Variants in SLC27A6 observed in about 807,000 individuals in gnomAD.
SLC27A6 encodes long-chain fatty acid transport protein 6.
In SLC27A6, 74 loss-of-function variants were observed where a neutral mutation model predicts 63.9. That is an observed-to-expected ratio of 1.16 (90% CI 0.96 to 1.40). The LOEUF is 1.40. SLC27A6 is among the 40% of genes most tolerant of loss of function. The pLI is 0.00. For missense variants in SLC27A6, 794 were observed against 732.9 expected (o/e 1.08, Z -0.96); for synonymous variants, 287 against 260.8 (o/e 1.10, Z -0.97).
At chr5:129,009,618 T>C (rs1286881256) in intron 4 of SLC27A6, among the ~76,000 whole-genome samples, 1 of 152,198 alleles carries the variant, frequency 6.6e-6, no homozygotes, top group East Asian at 1.9e-4. Context: ...AATTTAGCTT[T>C]CTAATGTCTA....
chr5:128,979,219 C>T (rs1254655545), intron 1 of SLC27A6, among the ~76,000 whole-genome samples: 3 of 123,022 alleles, frequency 2.4e-5, no homozygotes, highest in Non-Finnish European at 3.8e-5. Context: ...GAGGGAAACC[C>T]ACGTAGTGTG....
At chr5:128,971,529 T>C (rs1750160747) in intron 1 of SLC27A6, among the ~76,000 whole-genome samples, 1 of 88,732 alleles carries the variant, frequency 1.1e-5, no homozygotes, top group Non-Finnish European at 3.1e-5. Flanking sequence ...TCTTTGTCTC[T>C]TGATCTTTGT....
At chr5:128,989,059 A>G (rs1052390462) in intron 3 of SLC27A6, among the ~76,000 whole-genome samples, 4 of 152,150 alleles carry the variant, frequency 2.6e-5, no homozygotes, top group African/African-American at 9.7e-5. Flanking sequence ...CCTCAAATGT[A>G]GTAGAAATGT....
intron 4 of SLC27A6, among the ~76,000 whole-genome samples, chr5:129,005,798 G>C (rs1315602463): frequency 6.6e-6 from 1 of 151,462 alleles, no homozygotes; most frequent in East Asian, 2.0e-4. Context: ...ATTTTTAGTG[G>C]AGACGGGGTT....
At position 128,985,235 on chromosome 5, in the gene SLC27A6, A is replaced by T; in HGVS notation, c.584A>T (p.Glu195Val). ...SVPQGVISLK[E>V]KLSTSPDEPV... Reference sequence around the variant, plus strand: ...CCACAAGGTGTAATTTCACTCAAAGAAAAACTGAGCACCTCACCTGATGAG... The same window carrying T: ...CCACAAGGTGTAATTTCACTCAAAGTAAAACTGAGCACCTCACCTGATGAG... The change falls in exon 2 of 10, where the codon GAA (glutamate) becomes GTA (valine). Residue 195 changes from glutamate (E) to valine (V), a missense_variant. Physicochemically the swap from Glu to Val is moderately radical, Grantham distance 121. Coordinates refer to ENST00000262462, the MANE Select transcript of SLC27A6 (RefSeq NM_001017372.3). 6.2e-7 allele frequency: 1 copy of T among 1,614,096 alleles called. No individual in the cohort carries two copies. Among genetic ancestry groups the T allele is most frequent in the Non-Finnish European group, 8.5e-7 (1 of 1,179,976 alleles).
intron 1 of SLC27A6, among the ~76,000 whole-genome samples, chr5:128,977,172 T>G (rs1226883480): frequency 1.3e-5 from 2 of 152,246 alleles, no homozygotes; most frequent in Non-Finnish European, 2.9e-5. Context: ...TAGTTTTTAT[T>G]ATGCCATTCA....
chr5:128,989,138 T>A (rs1748395336), intron 3 of SLC27A6, among the ~76,000 whole-genome samples: 1 of 152,222 alleles, frequency 6.6e-6, no homozygotes, highest in Non-Finnish European at 1.5e-5. Context: ...TAGGTTATTT[T>A]ACCTTCATTC....
At chr5:128,992,750 A>G (rs190124384) in intron 4 of SLC27A6, among the ~76,000 whole-genome samples, 1 of 152,294 alleles carries the variant, frequency 6.6e-6, no homozygotes, top group East Asian at 1.9e-4. Flanking sequence ...TATCTGGACT[A>G]GGTTAATTTA....
chr5:128,991,627 A>C (rs2150137217), intron 4 of SLC27A6, among the ~76,000 whole-genome samples: 1 of 152,342 alleles, frequency 6.6e-6, no homozygotes, highest in African/African-American at 2.4e-5. Flanking sequence ...TTAAAAAAAT[A>C]ACTACTGACC....
chr5:128,981,625 A>C (rs927359237), intron 1 of SLC27A6, among the ~76,000 whole-genome samples: 4 of 152,186 alleles, frequency 2.6e-5, no homozygotes, highest in African/African-American at 9.7e-5. Flanking sequence ...AGAAGGATGG[A>C]GGAGAACACA....
At chr5:128,976,428 C>T (rs963538535) in intron 1 of SLC27A6, among the ~76,000 whole-genome samples, 3 of 152,124 alleles carry the variant, frequency 2.0e-5, no homozygotes, top group African/African-American at 7.2e-5. Context: ...GCAGGAGAAT[C>T]GCTTGAACCT....
chr5:128,988,893 A>T (rs1269606494), intron 3 of SLC27A6, 135 bp downstream of exon 3: 1 of 619,674 alleles, frequency 1.6e-6, no homozygotes, highest in Non-Finnish European at 2.6e-6. Flanking sequence ...CACAATATTT[A>T]TTTTAAAAAA....
chr5:129,017,187 G>A (rs194459), intron 5 of SLC27A6, among the ~76,000 whole-genome samples: 1 of 151,696 alleles, frequency 6.6e-6, no homozygotes, highest in African/African-American at 2.4e-5. Context: ...AAAGTTACTG[G>A]GCCAGTTAGG....
chr5:128,996,381 T>C (rs1225321278), intron 4 of SLC27A6, among the ~76,000 whole-genome samples: 1 of 152,210 alleles, frequency 6.6e-6, no homozygotes, highest in African/African-American at 2.4e-5. Flanking sequence ...AACATCCTTA[T>C]GATTCTGAAT....
intron 1 of SLC27A6, among the ~76,000 whole-genome samples, chr5:128,972,881 C>G (rs1750232962): frequency 1.3e-5 from 2 of 152,216 alleles, no homozygotes; most frequent in African/African-American, 2.4e-5. Flanking sequence ...CTTTTCTGCT[C>G]TGGTTTCCTA....
At chr5:129,010,167 T>C (rs1580735061) in intron 4 of SLC27A6, among the ~76,000 whole-genome samples, 1 of 152,332 alleles carries the variant, frequency 6.6e-6, no homozygotes, top group East Asian at 1.9e-4. Flanking sequence ...AAATTATATA[T>C]ATGCATTCTT....
In SLC27A6 at chr5:128,971,885, T is replaced by C. The variant is rs1307294610; in HGVS notation, c.481+5267T>C. ...ATGGTCTTTACAATTTGGCATGTTT[T>C]AGCAGTGGCTGGTACTGGTTGTTCC... On this transcript the variant is annotated intron_variant, in intron 1 of 9. Coordinates refer to ENST00000262462, the MANE Select transcript of SLC27A6 (RefSeq NM_001017372.3). Among the ~76,000 whole-genome samples the C allele has an allele frequency of 2.0e-5, 3 of 152,244 alleles. No homozygotes were observed. The East Asian group carries it at 5.8e-4, about 29-fold the overall frequency.
intron 4 of SLC27A6, among the ~76,000 whole-genome samples, chr5:128,999,734 T>G (rs1229999399): frequency 6.6e-6 from 1 of 152,142 alleles, no homozygotes; most frequent in African/African-American, 2.4e-5. Flanking sequence ...CTGGATATTG[T>G]ATAGCTCACT....
At chr5:128,978,016 T>C (rs1324311207) in intron 1 of SLC27A6, among the ~76,000 whole-genome samples, 2 of 152,182 alleles carry the variant, frequency 1.3e-5, no homozygotes, top group Non-Finnish European at 2.9e-5. Context: ...TCAAACACTT[T>C]AATTTTCAAT....
Sources: allele counts gnomAD v4.1 joint callset (sites outside exome capture counted in the v4.1 genomes callset), GRCh38; gene constraint gnomAD v4.1.1; transcripts MANE v1.5; gene names NCBI Gene and HGNC (gene_info 2026-07-23, HGNC 2026-07-21).